The following ANTXR2 variants were observed in gnomAD, a reference collection of about 807,000 sequenced individuals.
ANTXR2 encodes anthrax toxin receptor 2.
Under a neutral mutation model 73.7 loss-of-function variants are expected in ANTXR2, and 44 were observed. That is an observed-to-expected ratio of 0.60 (90% CI 0.47 to 0.77). The LOEUF is 0.77. Among genes scored for constraint, ANTXR2 ranks in the 30% least tolerant of loss-of-function variants. The pLI is 0.00. For synonymous variants in ANTXR2, 217 were observed against 205.9 expected, an observed-to-expected ratio of 1.05 and a Z score of -0.46; for missense variants, 604 against 592.5, an observed-to-expected ratio of 1.02 and a Z score of -0.20.
chr4:80,063,962 CT>C (rs1560431221), intron 3 of ANTXR2, among the ~76,000 whole-genome samples: 1 of 152,082 alleles, frequency 6.6e-6, no homozygotes, highest in African/African-American at 2.4e-5. Context: ...TGAAAGGAAC[CT>C]TCTAGACTTT....
intron 3 of ANTXR2, among the ~76,000 whole-genome samples, chr4:80,060,451 A>G (rs1734193717): frequency 6.6e-6 from 1 of 152,180 alleles, no homozygotes; most frequent in Non-Finnish European, 1.5e-5. Context: ...TTGCTTCTGT[A>G]TGAGAGTTTT....
chr4:79,909,787 A>G (rs1467678292), intron 16 of ANTXR2, among the ~76,000 whole-genome samples: 1 of 152,164 alleles, frequency 6.6e-6, no homozygotes, highest in Non-Finnish European at 1.5e-5. Flanking sequence ...TCAACAGCTG[A>G]TAATGTCTGG....
At chr4:79,966,693 C>T (rs1729378889) in intron 16 of ANTXR2, among the ~76,000 whole-genome samples, 1 of 151,970 alleles carries the variant, frequency 6.6e-6, no homozygotes, top group African/African-American at 2.4e-5. Context: ...TATATCACTG[C>T]CCCATGCAAA....
chr4:79,922,829 C>CA, intron 16 of ANTXR2, among the ~76,000 whole-genome samples: 1 of 151,788 alleles, frequency 6.6e-6, no homozygotes, highest in Non-Finnish European at 1.5e-5. Context: ...AGGTTAGCTG[C>CA]AAAAAATTAT....
At position 79,975,576 on chromosome 4, in the gene ANTXR2, C is replaced by T. The variant is rs1425576793; in HGVS notation, c.1428+2045G>A. On this transcript the variant is annotated intron_variant, in intron 16 of 16. Coordinates refer to ENST00000403729, the MANE Select transcript of ANTXR2 (RefSeq NM_058172.6). The stretch of plus-strand genomic sequence containing the variant: ...GTATATATTCAATGTTAGCTCAATA[C>T]CCAGCACTTAATAAGGTGAAAATTA... 5.3e-5 allele frequency among the ~76,000 whole-genome samples: 8 copies of T among 152,092 alleles called. 1 individual carries two copies. The highest frequency in any genetic ancestry group is 5.2e-4 in the Admixed American group (8 of 15,270).
chr4:79,922,618 T>A (rs1364519289), intron 16 of ANTXR2, among the ~76,000 whole-genome samples: 1 of 152,116 alleles, frequency 6.6e-6, no homozygotes, highest in African/African-American at 2.4e-5. Flanking sequence ...TAATATGTAT[T>A]AAGTTAGCTT....
At chr4:79,948,278 T>C (rs773540818) in intron 16 of ANTXR2, among the ~76,000 whole-genome samples, 18 of 152,096 alleles carry the variant, frequency 1.2e-4, no homozygotes, top group Non-Finnish European at 2.5e-4. Flanking sequence ...GGTTGAAAAA[T>C]GCTGTTAAAA....
At chr4:79,999,652 A>G (rs1361325558) in intron 12 of ANTXR2, among the ~76,000 whole-genome samples, 1 of 152,116 alleles carries the variant, frequency 6.6e-6, no homozygotes, top group Non-Finnish European at 1.5e-5. Flanking sequence ...GAGATATGGA[A>G]ATATGTATGT....
At chr4:79,985,428 A>G (rs1243095065) in intron 12 of ANTXR2, among the ~76,000 whole-genome samples, 2 of 152,136 alleles carry the variant, frequency 1.3e-5, no homozygotes, top group Non-Finnish European at 2.9e-5. Context: ...AGGCTAGGTC[A>G]AAAGAACTTA....
chr4:80,013,334 G>T (rs537743460), intron 11 of ANTXR2, among the ~76,000 whole-genome samples: 1 of 152,154 alleles, frequency 6.6e-6, no homozygotes, highest in Non-Finnish European at 1.5e-5. Context: ...TGAGAGACGG[G>T]CAATAAGCAC....
chr4:79,997,491 T>C (rs1730784867), intron 12 of ANTXR2, among the ~76,000 whole-genome samples: 1 of 151,918 alleles, frequency 6.6e-6, no homozygotes, highest in Admixed American at 6.6e-5. Context: ...GGAAGTAAAA[T>C]GCCTTTCTTT....
intron 7 of ANTXR2, among the ~76,000 whole-genome samples, chr4:80,039,280 C>G (rs992462053): frequency 6.6e-5 from 10 of 152,134 alleles, no homozygotes; most frequent in African/African-American, 2.4e-4. Flanking sequence ...AAAATTTGTT[C>G]TAAATTTGTT....
At chr4:80,041,008 C>T (rs1417622370) in intron 7 of ANTXR2, among the ~76,000 whole-genome samples, 2 of 152,196 alleles carry the variant, frequency 1.3e-5, no homozygotes, top group East Asian at 3.9e-4. Flanking sequence ...GAATTTCTAA[C>T]ATGATAATAG....
rs765908500 is a variant in ANTXR2 at position 80,072,565 on chromosome 4, C to T, written c.-5G>A. The stretch of plus-strand genomic sequence containing the variant: ...CGGGGACCGCTCCGCCACCATCCTG[C>T]GGCCGGGGGCCTGAGACTCCCTCCC... On this transcript the variant is annotated 5_prime_UTR_variant, in exon 1 of 17. Coordinates refer to ENST00000403729, the MANE Select transcript of ANTXR2 (RefSeq NM_058172.6). 7 of 1,535,480 alleles carry T rather than the reference C, an allele frequency of 4.6e-6. No individual in the cohort carries two copies. In the East Asian group the frequency reaches 7.5e-5, roughly 16 times the overall value.
Position 79,984,834 on chromosome 4 carries a change from G to GT in ANTXR2, c.1070_1071insA (p.Ala359CysfsTer13). The GT allele has an allele frequency of 2.0e-6, 3 of 1,528,584 alleles. No homozygotes were observed. The highest frequency in any genetic ancestry group is 3.4e-4 in the Middle Eastern group (2 of 5,804). The allele number at this position is 1,528,584 out of a possible 1,614,324, so 94.7% of individuals were successfully genotyped here. The stretch of plus-strand genomic sequence containing the variant: ...ACTCACTTACCTCTTTTGGTGCAGG[G>GT]GCGGGTGGTGGTGGAGGATCCTTAA... On this transcript the variant is annotated frameshift_variant, in exon 13 of 17. Transcript: ENST00000403729. LOFTEE classifies it high-confidence loss of function.
At chr4:80,042,830 C>A (rs557412914) in intron 7 of ANTXR2, among the ~76,000 whole-genome samples, 1 of 152,118 alleles carries the variant, frequency 6.6e-6, no homozygotes, top group African/African-American at 2.4e-5. Flanking sequence ...AGGCCAATTT[C>A]TCTGTTTTTC....
intron 16 of ANTXR2, among the ~76,000 whole-genome samples, chr4:79,954,869 A>T (rs1055366212): frequency 1.3e-5 from 2 of 152,168 alleles, no homozygotes; most frequent in African/African-American, 4.8e-5. Context: ...AAATGAGTCT[A>T]TTAGGCTGAT....
chr4:80,055,326 G>T, intron 5 of ANTXR2, 34 bp downstream of exon 5: 1 of 1,574,036 alleles, frequency 6.4e-7, no homozygotes, highest in Non-Finnish European at 8.7e-7. Flanking sequence ...GATGTACAGT[G>T]GGGTGTAGAG....
At chr4:79,937,735 G>A (rs555702493) in intron 16 of ANTXR2, among the ~76,000 whole-genome samples, 15 of 152,244 alleles carry the variant, frequency 9.9e-5, no homozygotes, top group African/African-American at 3.1e-4. Flanking sequence ...CAAGATGGCC[G>A]AATAGGAACA....
Sources: gnomAD v4.1 joint callset for allele counts (sites outside exome capture counted in the v4.1 genomes callset) on GRCh38, gnomAD v4.1.1 for gene constraint, MANE v1.5 for transcripts, NCBI Gene and HGNC (gene_info 2026-07-23, HGNC 2026-07-21) for gene names.